The following TMEM80 variants were observed in gnomAD, a reference collection of about 807,000 sequenced individuals.
TMEM80 encodes the protein transmembrane protein 80.
TMEM80 carries 16 observed loss-of-function variants against 13.6 expected under a neutral mutation model. The ratio of observed to expected loss-of-function variants is 1.17; its 90% CI spans 0.79 to 1.78. The LOEUF (loss-of-function observed/expected upper bound fraction) is 1.78, where lower values mean the gene tolerates loss of function less well. Among genes scored for constraint, TMEM80 ranks in the 40% most tolerant of loss-of-function variants. The pLI is 0.00. For synonymous variants in TMEM80, 92 were observed against 89.5 expected (o/e 1.03, Z -0.16); for missense variants, 167 against 184.6 (o/e 0.90, Z 0.55).
chr11:698,308 G>A (rs745920935), intron 1 of TMEM80, among the ~76,000 whole-genome samples: 1 of 152,168 alleles, frequency 6.6e-6, no homozygotes, highest in Non-Finnish European at 1.5e-5. Flanking sequence ...CTCTCAGGTG[G>A]GGGTGGGAGA....
chr11:703,317 A>G lies in TMEM80; in HGVS notation c.*167A>G. The G allele has an allele frequency of 7.1e-7, 1 of 1,415,356 alleles. No homozygotes were observed. Among genetic ancestry groups the G allele is most frequent in the Non-Finnish European group, 9.2e-7 (1 of 1,083,688 alleles). The allele number at this position is 1,415,356 out of a possible 1,614,324, so 87.7% of individuals were successfully genotyped here. A position where few individuals can be genotyped will look rare whatever the true frequency, so the allele number is the denominator to read the frequency against. The stretch of plus-strand genomic sequence containing the variant: ...TCTGGCAGGAGTGGGAGCAGGAGCC[A>G]GGGCAGAACAAACTGCTGGAGGCCC... On this transcript the variant is annotated 3_prime_UTR_variant, in exon 5 of 5. Coordinates refer to ENST00000397510, the MANE Select transcript of TMEM80 (RefSeq NM_001042463.3).
chr11:704,667 C>G, downstream of TMEM80: 1 of 1,285,990 alleles, frequency 7.8e-7, no homozygotes, highest in Admixed American at 2.3e-5. Flanking sequence ...TACCTCCAGT[C>G]TCAGCGAGCA....
chr11:697,743 T>C (rs1861265651), intron 1 of TMEM80: 1 of 152,228 alleles, frequency 6.6e-6, no homozygotes. Flanking sequence ...AGATCGGGTT[T>C]AAAGAGTGGC....
At chr11:704,839 C>G, downstream of TMEM80, 1 of 374,174 alleles carries the variant, frequency 2.7e-6, no homozygotes, top group South Asian at 2.1e-5. Context: ...GGGACCCCAC[C>G]CCCCAGCTGT....
At chr11:699,897 G>T (rs1861365289) in intron 2 of TMEM80, 1 of 519,574 alleles carries the variant, frequency 1.9e-6, no homozygotes. Flanking sequence ...AGGGGCTGCA[G>T]TGCACAGACC....
At position 702,860 on chromosome 11, in the gene TMEM80, C is replaced by G. The variant is rs1389338615; in HGVS notation, c.227-85C>G. On this transcript the variant is annotated intron_variant, in intron 4 of 4. Coordinates refer to ENST00000397510, the MANE Select transcript of TMEM80 (RefSeq NM_001042463.3). ...ACGTAGGGCAAGGAGCTGCTCTGGT[C>G]CCAGCAGCCCTCCAGGCACCTGTGG... The G allele has an allele frequency of 2.2e-6, 3 of 1,362,668 alleles. No individual in the cohort carries two copies. In the African/African-American group the frequency reaches 4.3e-5, roughly 20 times the overall value. The allele number at this position is 1,362,668 out of a possible 1,614,324, so 84.4% of individuals were successfully genotyped here. A position where few individuals can be genotyped will look rare whatever the true frequency, so the allele number is the denominator to read the frequency against.
chr11:700,387 C>T (rs533923710), intron 3 of TMEM80, 152 bp downstream of exon 3: 123 of 791,094 alleles, frequency 1.6e-4, no homozygotes, highest in Admixed American at 1.2e-3. Flanking sequence ...AGTAGCCGGG[C>T]GTGGTGGTGG....
At position 700,851 on chromosome 11, in the gene TMEM80, C is replaced by G. The variant is rs1014427554; in HGVS notation, c.226+144C>G. 8 of 771,704 alleles carry G rather than the reference C, an allele frequency of 1.0e-5. No individual in the cohort carries two copies. In the South Asian group the frequency reaches 1.2e-4, roughly 11 times the overall value. The allele number at this position is 771,704 out of a possible 1,614,324, so 47.8% of individuals were successfully genotyped here. ...CTTACCCAGTTGCTTTGCAGGCTCACCTTACAGTGTCATTAAGTATTAATC... is the reference window on the plus strand; with the variant it reads ...CTTACCCAGTTGCTTTGCAGGCTCAGCTTACAGTGTCATTAAGTATTAATC... On this transcript the variant is annotated intron_variant, in intron 4 of 4. Transcript: ENST00000397510.
At chr11:697,026 G>C (rs1156790318) in intron 1 of TMEM80, among the ~76,000 whole-genome samples, 4 of 151,604 alleles carry the variant, frequency 2.6e-5, no homozygotes, top group Admixed American at 2.0e-4. Flanking sequence ...GGGGGGGGTG[G>C]GGTGCGGAGG....
chr11:697,772 G>C (rs1051536096), intron 1 of TMEM80: 1 of 152,254 alleles, frequency 6.6e-6, no homozygotes, highest in African/African-American at 2.4e-5. Context: ...AACGCGATGC[G>C]GCGTGGTCTG....
chr11:701,044 C>T, intron 4 of TMEM80: 1 of 377,374 alleles, frequency 2.6e-6, no homozygotes, highest in Non-Finnish European at 5.0e-6. Flanking sequence ...CCCTTTCCTT[C>T]CCCTTGCCCT....
intron 2 of TMEM80, 121 bp downstream of exon 2, chr11:699,009 G>T (rs1265414308): frequency 1.7e-5 from 21 of 1,203,128 alleles, no homozygotes; most frequent in South Asian, 1.6e-4. Context: ...ACTTTGGAGA[G>T]GGGGGTGTTC....
At position 700,204 on chromosome 11, in the gene TMEM80, C is replaced by T; in HGVS notation, c.102C>T (p.Phe34=). The change falls in exon 3 of 5, where the codon TTC becomes TTT. Residue 34 remains phenylalanine, a synonymous_variant. Coordinates refer to ENST00000397510, the MANE Select transcript of TMEM80 (RefSeq NM_001042463.3). ...YLSGTYYALY[F]LATLLMITYK... is the part of the protein sequence containing the mutation. ...GCGGAACGTACTACGCCCTGTATTTCCTCGCCACGCTCCTGATGATCACGT... is the reference window on the plus strand; with the variant it reads ...GCGGAACGTACTACGCCCTGTATTTTCTCGCCACGCTCCTGATGATCACGT... The T allele has an allele frequency of 6.2e-7, 1 of 1,614,130 alleles. No individual in the cohort carries two copies.
intron 2 of TMEM80, 157 bp from the exon 3 acceptor site, chr11:699,985 C>T: frequency 1.7e-6 from 1 of 605,928 alleles, no homozygotes; most frequent in Non-Finnish European, 2.9e-6. Context: ...AGCATAGTGA[C>T]AGAAGCCTCA....
intron 4 of TMEM80, 138 bp from the exon 5 acceptor site, chr11:702,807 T>A (rs1307182433): frequency 2.5e-6 from 2 of 807,382 alleles, no homozygotes; most frequent in Non-Finnish European, 3.8e-6. Context: ...GGAGGCTGTT[T>A]CCCTGGAATT....
intron 2 of TMEM80, 181 bp downstream of exon 2, chr11:699,069 G>C: frequency 1.4e-6 from 1 of 721,336 alleles, no homozygotes; most frequent in Non-Finnish European, 2.4e-6. Context: ...AGTTCTGCTG[G>C]CTCCATCCCC....
chr11:702,798 G>A (rs1861555484), intron 4 of TMEM80, 147 bp from the exon 5 acceptor site: 1 of 738,922 alleles, frequency 1.4e-6, no homozygotes, highest in Non-Finnish European at 2.1e-6. Flanking sequence ...GGTGGCCATG[G>A]AGGCTGTTTC....
In TMEM80 at chr11:702,979, G is replaced by C; in HGVS notation, c.261G>C (p.Pro87=). 6.2e-7 allele frequency: 1 copy of C among 1,610,180 alleles called. No individual in the cohort carries two copies. Among genetic ancestry groups the C allele is most frequent in the Non-Finnish European group, 8.5e-7 (1 of 1,179,022 alleles). ...TRGNLTEAER[P]LAASLALTAG... ...GCAACCTGACAGAGGCTGAGAGGCC[G>C]CTGGCCGCCAGCCTGGCCCTCACGG... Residue 87 remains proline (P), a synonymous_variant, in exon 5 of 5, where the codon CCG becomes CCC. Transcript: ENST00000397510.
intron 4 of TMEM80, among the ~76,000 whole-genome samples, chr11:702,241 G>A (rs535285373): frequency 6.6e-6 from 1 of 152,350 alleles, no homozygotes; most frequent in Admixed American, 6.5e-5. Flanking sequence ...TCAGTGTCTT[G>A]TCTGCACTTA....
Sources: gnomAD v4.1 joint callset for allele counts (sites outside exome capture counted in the v4.1 genomes callset) on GRCh38, gnomAD v4.1.1 for gene constraint, MANE v1.5 for transcripts, NCBI Gene and HGNC (gene_info 2026-07-23, HGNC 2026-07-21) for gene names.